REEP5: variants seen among roughly 807,000 people sequenced by gnomAD.
REEP5 encodes receptor accessory protein 5.
In REEP5, 24 loss-of-function variants were observed where a neutral mutation model predicts 22.4. That is an observed-to-expected ratio of 1.07 (90% CI 0.78 to 1.51). REEP5 has a LOEUF of 1.51. Ranked by LOEUF, REEP5 falls within the 40% of genes most tolerant of loss-of-function variation. The pLI, the probability that REEP5 is intolerant of heterozygous loss-of-function variation, is 0.00. For missense variants in REEP5, 252 were observed against 233.0 expected, an observed-to-expected ratio of 1.08 and a Z score of -0.53; for synonymous variants, 103 against 88.6, an observed-to-expected ratio of 1.16 and a Z score of -0.92.
rs1433897768 is a variant in REEP5 at position 112,876,437 on chromosome 5, A to C, written c.*2349T>G. 1 of 152,236 alleles carries C rather than the reference A, an allele frequency of 6.6e-6. No homozygotes were observed. The highest frequency in any genetic ancestry group is 1.5e-5 in the Non-Finnish European group (1 of 68,038). 9.4% of individuals were successfully genotyped at this position (152,236 alleles called of 1,614,324 possible). ...TCTATTTATTTCCATTCAGTGTATCACATCTTCAGGATAGGTGATAACAGT... is the reference window on the plus strand; with the variant it reads ...TCTATTTATTTCCATTCAGTGTATCCCATCTTCAGGATAGGTGATAACAGT... On this transcript the variant is annotated 3_prime_UTR_variant, in exon 5 of 5. Transcript: ENST00000379638.
chr5:112,904,564 G>C (rs895825415), intron 2 of REEP5, among the ~76,000 whole-genome samples: 3 of 152,168 alleles, frequency 2.0e-5, no homozygotes, highest in Non-Finnish European at 2.9e-5. Context: ...TCTAGAATAT[G>C]ACGTAAAAAC....
intron 3 of REEP5, among the ~76,000 whole-genome samples, chr5:112,899,592 A>G (rs1040371734): frequency 1.3e-5 from 2 of 152,194 alleles, no homozygotes; most frequent in Non-Finnish European, 2.9e-5. Context: ...TAATGTTTAC[A>G]TTATGCAGTT....
At chr5:112,884,589 C>T (rs540273579) in intron 4 of REEP5, among the ~76,000 whole-genome samples, 9 of 152,014 alleles carry the variant, frequency 5.9e-5, no homozygotes, top group African/African-American at 2.2e-4. Context: ...GAGACCCTGT[C>T]ACAAACAAGC....
chr5:112,879,756 G>T (rs554570042), intron 4 of REEP5, among the ~76,000 whole-genome samples: 2 of 151,904 alleles, frequency 1.3e-5, no homozygotes, highest in African/African-American at 4.8e-5. Flanking sequence ...GATTACAGAC[G>T]TAAGCCACCA....
chr5:112,880,384 A>C (rs1055208016), intron 4 of REEP5, among the ~76,000 whole-genome samples: 1 of 152,202 alleles, frequency 6.6e-6, no homozygotes, highest in Non-Finnish European at 1.5e-5. Context: ...GTTGTCTAGA[A>C]GCCTCCAGGG....
chr5:112,919,771 GAGCAATA>G (rs1769311480), intron 2 of REEP5, among the ~76,000 whole-genome samples: 1 of 152,064 alleles, frequency 6.6e-6, no homozygotes, highest in South Asian at 2.1e-4. Flanking sequence ...CCAGAACTGT[GAGCAATA>G]AATTTCTATT....
chr5:112,919,034 C>G (rs1284441469), intron 2 of REEP5, among the ~76,000 whole-genome samples: 1 of 152,206 alleles, frequency 6.6e-6, no homozygotes, highest in Non-Finnish European at 1.5e-5. Flanking sequence ...ACCACAGTGC[C>G]ACACATGTGA....
intron 4 of REEP5, among the ~76,000 whole-genome samples, chr5:112,886,597 G>A (rs982396478): frequency 2.6e-5 from 4 of 152,134 alleles, no homozygotes; most frequent in African/African-American, 9.7e-5. Flanking sequence ...AATTTACTAC[G>A]TAAATGCTTG....
intron 2 of REEP5, among the ~76,000 whole-genome samples, chr5:112,904,508 C>G (rs1768913150): frequency 6.6e-6 from 1 of 152,146 alleles, no homozygotes; most frequent in Non-Finnish European, 1.5e-5. Context: ...TATGTACTTC[C>G]AAAAGAAGCA....
intron 2 of REEP5, among the ~76,000 whole-genome samples, chr5:112,911,386 G>GTTAGTTGT (rs1610963): frequency 1.3e-5 from 2 of 151,400 alleles, no homozygotes; most frequent in Non-Finnish European, 3.0e-5. Flanking sequence ...CTAAGCTTAA[G>GTTAGTTGT]CTCGGTATTG....
At chr5:112,921,530 C>G (rs1769366755) in intron 1 of REEP5, 4 of 515,090 alleles carry the variant, frequency 7.8e-6, no homozygotes, top group Non-Finnish European at 1.4e-5. Context: ...GCGCCCGGGA[C>G]GGTCCCAGGC....
chr5:112,912,149 T>C (rs1769118085), intron 2 of REEP5, among the ~76,000 whole-genome samples: 2 of 152,128 alleles, frequency 1.3e-5, no homozygotes, highest in South Asian at 2.1e-4. Flanking sequence ...CTTTTACATA[T>C]GAGAAAACTG....
At chr5:112,886,950 G>A in intron 4 of REEP5, 65 bp downstream of exon 4, 10 of 1,246,284 alleles carry the variant, frequency 8.0e-6, no homozygotes, top group South Asian at 1.6e-5. Context: ...CAGGAAGCCT[G>A]TTATTTGAGC....
chr5:112,912,922 G>A (rs186119118), intron 2 of REEP5, among the ~76,000 whole-genome samples: 21 of 152,320 alleles, frequency 1.4e-4, no homozygotes, highest in African/African-American at 3.8e-4. Context: ...GAAACTATGC[G>A]TGATCAGAAA....
intron 2 of REEP5, among the ~76,000 whole-genome samples, chr5:112,915,651 A>G (rs1238679462): frequency 1.3e-5 from 2 of 152,230 alleles, no homozygotes; most frequent in African/African-American, 2.4e-5. Flanking sequence ...AATGCCTGTT[A>G]TATTTTTTAT....
intron 2 of REEP5, among the ~76,000 whole-genome samples, chr5:112,916,664 A>T (rs1463273830): frequency 6.6e-6 from 1 of 152,226 alleles, no homozygotes; most frequent in Non-Finnish European, 1.5e-5. Context: ...TCATCTCTAC[A>T]TAAGGTGATG....
chr5:112,895,142 G>A (rs546144707), intron 3 of REEP5: 1 of 149,340 alleles, frequency 6.7e-6, no homozygotes, highest in Non-Finnish European at 1.5e-5. Context: ...AGGAGGCTGA[G>A]GCAGGAGAAT....
intron 2 of REEP5, among the ~76,000 whole-genome samples, chr5:112,913,648 TA>T (rs1379089728): frequency 6.6e-6 from 1 of 151,966 alleles, no homozygotes; most frequent in African/African-American, 2.4e-5. Context: ...GGTGTTTAAT[TA>T]CAGTGATCTC....
chr5:112,878,559 C>T lies in REEP5; in HGVS notation c.*227G>A, dbSNP rs1335466826. 1.9e-6 allele frequency: 1 copy of T among 535,518 alleles called. No individual in the cohort carries two copies. Among genetic ancestry groups the T allele is most frequent in the African/African-American group, 1.9e-5 (1 of 51,904 alleles). 33.2% of individuals were successfully genotyped at this position (535,518 alleles called of 1,614,324 possible). A position where few individuals can be genotyped will look rare whatever the true frequency, so the allele number is the denominator to read the frequency against. ...TCTTTTCCTACCCAGAGGCAAAATA[C>T]ATTTTCCAAAAACGTGGACACTGCC... On this transcript the variant is annotated 3_prime_UTR_variant, in exon 5 of 5. Transcript: ENST00000379638.
Sources: allele counts gnomAD v4.1 joint callset (sites outside exome capture counted in the v4.1 genomes callset), GRCh38; gene constraint gnomAD v4.1.1; transcripts MANE v1.5; gene names NCBI Gene and HGNC (gene_info 2026-07-23, HGNC 2026-07-21).